The following CLIC4 variants were observed in gnomAD, a reference collection of about 807,000 sequenced individuals.
The protein encoded by CLIC4 is chloride intracellular channel protein 4.
In CLIC4, 13 loss-of-function variants were observed where a neutral mutation model predicts 24.6. That is an observed-to-expected ratio of 0.53 (90% CI 0.34 to 0.84). The LOEUF is 0.84. Ranked by LOEUF, CLIC4 falls within the 40% of genes least tolerant of loss-of-function variation. The pLI, the probability that CLIC4 is intolerant of heterozygous loss-of-function variation, is 0.01. For synonymous variants in CLIC4, 104 were observed against 111.3 expected, an observed-to-expected ratio of 0.93 and a Z score of 0.41; for missense variants, 227 against 301.7, an observed-to-expected ratio of 0.75 and a Z score of 1.83.
chr1:24,828,367 C>CT (rs374847167), intron 4 of CLIC4, among the ~76,000 whole-genome samples: 4,497 of 148,306 alleles, frequency 0.03, 103 homozygotes, highest in Non-Finnish European at 0.048. Flanking sequence ...TAGTAATTGG[C>CT]TTTTTTTTTT....
rs1364637611 is a variant in CLIC4 at position 24,823,705 on chromosome 1, C to T, written c.309-3305C>T. ...AGGAGAATCGCTTGAAACCGGAAGGCGGAGGTTGCAGTGAGCGGAGATTGC... is the reference window on the plus strand; with the variant it reads ...AGGAGAATCGCTTGAAACCGGAAGGTGGAGGTTGCAGTGAGCGGAGATTGC... On this transcript the variant is annotated intron_variant, in intron 3 of 5. Transcript: ENST00000374379. Among the ~76,000 whole-genome samples, 5 of 140,348 alleles carry T rather than the reference C, an allele frequency of 3.6e-5. No individual in the cohort carries two copies. In the East Asian group the frequency reaches 6.3e-4, roughly 18 times the overall value. 92.1% of individuals were successfully genotyped at this position (140,348 alleles called of 152,430 possible). A position where few individuals can be genotyped will look rare whatever the true frequency, so the allele number is the denominator to read the frequency against.
At chr1:24,822,014 G>T (rs1444032728) in intron 3 of CLIC4, among the ~76,000 whole-genome samples, 1 of 152,200 alleles carries the variant, frequency 6.6e-6, no homozygotes, top group East Asian at 1.9e-4. Context: ...CAAAGACTTT[G>T]TGAAGAAACT....
chr1:24,812,141 C>T (rs1469431654), intron 2 of CLIC4, among the ~76,000 whole-genome samples: 1 of 152,072 alleles, frequency 6.6e-6, no homozygotes, highest in Admixed American at 6.6e-5. Context: ...TTGACCCATA[C>T]CTATTTGATT....
intron 4 of CLIC4, among the ~76,000 whole-genome samples, chr1:24,835,613 CAAT>C (rs1198617004): frequency 5.3e-5 from 8 of 152,018 alleles, no homozygotes; most frequent in African/African-American, 1.7e-4. Flanking sequence ...AAATACATAA[CAAT>C]AATAGCATAT....
chr1:24,826,399 C>T (rs990772619), intron 3 of CLIC4, among the ~76,000 whole-genome samples: 5 of 152,136 alleles, frequency 3.3e-5, no homozygotes, highest in African/African-American at 9.7e-5. Context: ...CCAGCCTAGG[C>T]GCTTTTCCTG....
At chr1:24,788,641 C>T (rs533879724) in intron 1 of CLIC4, among the ~76,000 whole-genome samples, 1 of 152,308 alleles carries the variant, frequency 6.6e-6, no homozygotes, top group Admixed American at 6.5e-5. Flanking sequence ...TTTTAATTGT[C>T]AAATAATATT....
At chr1:24,794,073 C>A (rs1571246356) in intron 1 of CLIC4, among the ~76,000 whole-genome samples, 2 of 152,314 alleles carry the variant, frequency 1.3e-5, no homozygotes, top group Middle Eastern at 3.4e-3. Context: ...CTCTCCTTTT[C>A]CTTCAGTCCA....
intron 1 of CLIC4, among the ~76,000 whole-genome samples, chr1:24,749,544 G>T (rs1638748680): frequency 6.6e-6 from 1 of 152,182 alleles, no homozygotes; most frequent in Admixed American, 6.5e-5. Flanking sequence ...TTTTGGAGTT[G>T]TCTGCCTGTG....
intron 1 of CLIC4, among the ~76,000 whole-genome samples, chr1:24,781,748 T>C (rs1199856485): frequency 6.6e-6 from 1 of 151,640 alleles, no homozygotes; most frequent in Non-Finnish European, 1.5e-5. Context: ...GCTCACCACT[T>C]TAAGGGAATC....
At chr1:24,823,698 C>T (rs767475213) in intron 3 of CLIC4, among the ~76,000 whole-genome samples, 12 of 146,848 alleles carry the variant, frequency 8.2e-5, no homozygotes, top group Non-Finnish European at 1.3e-4. Context: ...CGCTTGAAAC[C>T]GGAAGGCGGA....
rs199510855 is a variant in CLIC4 at position 24,839,850 on chromosome 1, C to A, written c.416-10C>A. 71 of 1,586,984 alleles carry A rather than the reference C, an allele frequency of 4.5e-5. No homozygotes were observed. Among genetic ancestry groups the A allele is most frequent in the Non-Finnish European group, 1.2e-5 (14 of 1,169,540 alleles). Reference sequence around the variant, plus strand: ...TTACAGTATTCTCATCTCTTTTTTTCCCCCCCAAGCACTGGAGAGGGGTCT... The same window carrying A: ...TTACAGTATTCTCATCTCTTTTTTTACCCCCCAAGCACTGGAGAGGGGTCT... On this transcript the variant is annotated splice_polypyrimidine_tract_variant and intron_variant, in intron 4 of 5. Coordinates refer to ENST00000374379, the MANE Select transcript of CLIC4 (RefSeq NM_013943.3).
chr1:24,750,809 A>G (rs1304812318), intron 1 of CLIC4, among the ~76,000 whole-genome samples: 1 of 152,160 alleles, frequency 6.6e-6, no homozygotes, highest in Non-Finnish European at 1.5e-5. Context: ...GTAGTATGCA[A>G]CAATCTTAGA....
At chr1:24,816,243 T>TTG (rs1553193774) in intron 3 of CLIC4, among the ~76,000 whole-genome samples, 28 of 145,768 alleles carry the variant, frequency 1.9e-4, no homozygotes, top group Non-Finnish European at 4.1e-4. Flanking sequence ...TGTTTTTTTT[T>TTG]TTTTTTTTTT....
At chr1:24,794,462 A>G (rs907652911) in intron 1 of CLIC4, among the ~76,000 whole-genome samples, 35 of 150,278 alleles carry the variant, frequency 2.3e-4, no homozygotes, top group African/African-American at 7.4e-4. Flanking sequence ...ACTTTTTTTC[A>G]TATGCTTGTT....
chr1:24,796,336 GT>G (rs1639401316), intron 1 of CLIC4, among the ~76,000 whole-genome samples: 1 of 151,766 alleles, frequency 6.6e-6, no homozygotes, highest in Non-Finnish European at 1.5e-5. Context: ...CTGCAGGCGC[GT>G]ACCACCACGT....
chr1:24,772,351 A>G (rs572699047), intron 1 of CLIC4, among the ~76,000 whole-genome samples: 8 of 152,324 alleles, frequency 5.3e-5, no homozygotes, highest in Admixed American at 2.0e-4. Context: ...TCAGTAAGAA[A>G]CATCCTGCTA....
chr1:24,831,828 G>A (rs1027579634), intron 4 of CLIC4, among the ~76,000 whole-genome samples: 1 of 151,922 alleles, frequency 6.6e-6, no homozygotes, highest in African/African-American at 2.4e-5. Context: ...TAGTAGATAC[G>A]AGGTCTCATC....
intron 2 of CLIC4, among the ~76,000 whole-genome samples, chr1:24,802,899 G>A (rs991767240): frequency 6.6e-6 from 1 of 151,776 alleles, no homozygotes; most frequent in Admixed American, 6.6e-5. Context: ...TTAAGAGACA[G>A]GGTCTCCCTG....
chr1:24,831,455 A>G (rs1470413965), intron 4 of CLIC4, among the ~76,000 whole-genome samples: 1 of 152,202 alleles, frequency 6.6e-6, no homozygotes, highest in East Asian at 1.9e-4. Flanking sequence ...AGCAGGTCTA[A>G]GGTTAAACAT....
Sources: allele counts gnomAD v4.1 joint callset (sites outside exome capture counted in the v4.1 genomes callset), GRCh38; gene constraint gnomAD v4.1.1; transcripts MANE v1.5; gene names NCBI Gene and HGNC (gene_info 2026-07-23, HGNC 2026-07-21).